The following IQCB1 variants were observed in gnomAD, a reference collection of about 807,000 sequenced individuals.
IQCB1 encodes the protein IQ motif containing B1.
Under a neutral mutation model 84.4 loss-of-function variants are expected in IQCB1, and 56 were observed. That is an observed-to-expected ratio of 0.66 (90% confidence interval 0.54 to 0.83). The LOEUF (loss-of-function observed/expected upper bound fraction) is 0.83, where lower values mean the gene tolerates loss of function less well. Among genes scored for constraint, IQCB1 ranks in the 40% least tolerant of loss-of-function variants. The pLI, the probability that IQCB1 is intolerant of heterozygous loss-of-function variation, is 0.00. For missense variants in IQCB1, 629 were observed against 682.1 expected (o/e 0.92, Z 0.87); for synonymous variants, 210 against 234.8 (o/e 0.89, Z 0.96).
At chr3:121,772,140 A>G (rs942141440) in intron 14 of IQCB1, among the ~76,000 whole-genome samples, 2 of 152,144 alleles carry the variant, frequency 1.3e-5, no homozygotes, top group Admixed American at 6.5e-5. Flanking sequence ...ACACCACTGC[A>G]CTCCAGCCTG....
rs188427719 is a variant in IQCB1 at position 121,829,872 on chromosome 3, G to A, written c.-12-900C>T. On this transcript the variant is annotated intron_variant, in intron 2 of 14. Coordinates refer to ENST00000310864, the MANE Select transcript of IQCB1 (RefSeq NM_001023570.4). ...CTTCAACACACTAATGCTCAGAAAT[G>A]TTACATAAATATAAGATAATCAAAG... 7.2e-5 allele frequency among the ~76,000 whole-genome samples: 11 copies of A among 152,260 alleles called. No individual in the cohort carries two copies. In the South Asian group the frequency reaches 2.1e-3, roughly 29 times the overall value.
chr3:121,826,574 GC>G (rs1181906256), intron 4 of IQCB1, among the ~76,000 whole-genome samples: 1 of 152,120 alleles, frequency 6.6e-6, no homozygotes, highest in Non-Finnish European at 1.5e-5. Flanking sequence ...GCTGAAAAAT[GC>G]CCAAGTAGGA....
At chr3:121,790,275 C>T in intron 10 of IQCB1, 60 bp from the exon 11 acceptor site, 2 of 1,449,574 alleles carry the variant, frequency 1.4e-6, no homozygotes, top group Middle Eastern at 1.8e-4. Flanking sequence ...AAATGCATAA[C>T]CTCACTAGTA....
At position 121,777,492 on chromosome 3, in the gene IQCB1, C is replaced by T. The variant is rs942928017; in HGVS notation, c.1410+4251G>A. Among the ~76,000 whole-genome samples the T allele has an allele frequency of 3.3e-5, 5 of 152,134 alleles. No homozygotes were observed. In the East Asian group the frequency reaches 9.7e-4, roughly 29 times the overall value. ...TAGAAAATGTCCAGTAAAAATATACCATTACAATATTATGTGACCACTGTT... is the reference window on the plus strand; with the variant it reads ...TAGAAAATGTCCAGTAAAAATATACTATTACAATATTATGTGACCACTGTT... On this transcript the variant is annotated intron_variant, in intron 13 of 14. Coordinates refer to ENST00000310864, the MANE Select transcript of IQCB1 (RefSeq NM_001023570.4).
intron 3 of IQCB1, 66 bp from the exon 4 acceptor site, chr3:121,828,698 T>C (rs1950535797): frequency 3.3e-6 from 4 of 1,200,648 alleles, no homozygotes; most frequent in Non-Finnish European, 3.6e-6. Context: ...TTTGTATTTT[T>C]ATATGTTGAA....
At chr3:121,789,968 C>T (rs1948890487) in intron 11 of IQCB1, 105 bp downstream of exon 11, 7 of 986,122 alleles carry the variant, frequency 7.1e-6, no homozygotes, top group African/African-American at 3.2e-5. Flanking sequence ...AGAAAAAGGA[C>T]AAAAGTCCAA....
At chr3:121,789,828 C>T (rs754479117) in intron 11 of IQCB1, among the ~76,000 whole-genome samples, 16 of 151,976 alleles carry the variant, frequency 1.1e-4, no homozygotes, top group Non-Finnish European at 2.1e-4. Flanking sequence ...TTATGTTTCA[C>T]TAAATTATCT....
intron 8 of IQCB1, among the ~76,000 whole-genome samples, chr3:121,797,431 G>A (rs532191179): frequency 3.1e-5 from 4 of 127,442 alleles, no homozygotes; most frequent in East Asian, 2.3e-4. Context: ...GAATTCTTAC[G>A]TGCTCAATTG....
At chr3:121,795,328 C>T (rs889387883) in intron 10 of IQCB1, 129 bp downstream of exon 10, 13 of 702,052 alleles carry the variant, frequency 1.9e-5, no homozygotes, top group South Asian at 6.2e-5. Context: ...TACCCAGAAA[C>T]GTATGGAAAA....
chr3:121,773,978 C>T (rs987297092), intron 13 of IQCB1, among the ~76,000 whole-genome samples: 2 of 151,710 alleles, frequency 1.3e-5, no homozygotes, highest in African/African-American at 4.8e-5. Flanking sequence ...ACTGGCAGTC[C>T]ACAGAATGGC....
At chr3:121,776,005 C>A (rs1948209698) in intron 13 of IQCB1, among the ~76,000 whole-genome samples, 1 of 151,766 alleles carries the variant, frequency 6.6e-6, no homozygotes, top group Non-Finnish European at 1.5e-5. Context: ...CTCTGTCTGG[C>A]TTCTTTCATT....
At position 121,828,931 on chromosome 3, in the gene IQCB1, G is replaced by A. The variant is rs745953463; in HGVS notation, c.30C>T (p.Ile10=). The A allele has an allele frequency of 1.2e-6, 2 of 1,611,102 alleles. No homozygotes were observed. The highest frequency in any genetic ancestry group is 2.2e-5 in the East Asian group (1 of 44,788). ...TTGCAACTTCAGCAGCTATAGATAA[G>A]ATCCTTGGGTCTGTACCTGTTGGCT... MKPTGTDPR[I]LSIAAEVAKS... is the part of the protein sequence containing the mutation. The change falls in exon 3 of 15, where the codon ATC becomes ATT. Residue 10 remains isoleucine (I), a synonymous_variant. Transcript: ENST00000310864.
chr3:121,832,193 G>T (rs984816556), intron 2 of IQCB1, among the ~76,000 whole-genome samples: 3 of 151,862 alleles, frequency 2.0e-5, no homozygotes, highest in Admixed American at 2.0e-4. Flanking sequence ...TATTTCTATC[G>T]GTTTGTCTTA....
intron 12 of IQCB1, among the ~76,000 whole-genome samples, chr3:121,787,568 T>C (rs755565574): frequency 1.4e-4 from 21 of 152,028 alleles, no homozygotes; most frequent in Admixed American, 4.6e-4. Context: ...CTGGCCAATA[T>C]GGTGAAACCC....
chr3:121,776,574 A>T (rs781322783), intron 13 of IQCB1, among the ~76,000 whole-genome samples: 1 of 152,100 alleles, frequency 6.6e-6, no homozygotes, highest in Non-Finnish European at 1.5e-5. Context: ...AAAAATTTTA[A>T]ATTTTTATTA....
intron 13 of IQCB1, among the ~76,000 whole-genome samples, chr3:121,774,285 T>A (rs935563035): frequency 6.6e-6 from 1 of 152,182 alleles, no homozygotes; most frequent in Non-Finnish European, 1.5e-5. Flanking sequence ...AAATAACTAA[T>A]GTTGACAAGG....
intron 8 of IQCB1, among the ~76,000 whole-genome samples, chr3:121,798,691 T>A (rs534708796): frequency 3.3e-5 from 5 of 152,052 alleles, no homozygotes; most frequent in Admixed American, 2.6e-4. Flanking sequence ...GTATATACGC[T>A]TACTCCTTTT....
intron 13 of IQCB1, 43 bp downstream of exon 13, chr3:121,781,700 C>T: frequency 3.3e-6 from 5 of 1,537,070 alleles, no homozygotes; most frequent in South Asian, 1.1e-5. Flanking sequence ...CAATATCATG[C>T]ATTGGAATAA....
chr3:121,807,294 A>G (rs747381223), intron 7 of IQCB1, 50 bp downstream of exon 7: 1 of 880,748 alleles, frequency 1.1e-6, no homozygotes, highest in East Asian at 2.5e-5. Flanking sequence ...TAAAATTGGT[A>G]ATGCTTCTGA....
Sources: allele counts gnomAD v4.1 joint callset (sites outside exome capture counted in the v4.1 genomes callset), GRCh38; gene constraint gnomAD v4.1.1; transcripts MANE v1.5; gene names NCBI Gene and HGNC (gene_info 2026-07-23, HGNC 2026-07-21).